Variants in CPO observed in about 807,000 individuals in gnomAD.
The protein encoded by CPO is carboxypeptidase O.
In CPO, 43 loss-of-function variants were observed where a neutral mutation model predicts 41.2. The observed-to-expected ratio is 1.04, with a 90% CI of 0.82 to 1.35. The LOEUF (loss-of-function observed/expected upper bound fraction) is 1.35. CPO is among the 40% of genes most tolerant of loss of function. CPO has a pLI of 0.00. For synonymous variants in CPO, 178 were observed against 162.7 expected (o/e 1.09, Z -0.72); for missense variants, 408 against 451.7 (o/e 0.90, Z 0.88).
At chr2:206,951,756 T>C (rs1693268623) in intron 2 of CPO, among the ~76,000 whole-genome samples, 2 of 152,224 alleles carry the variant, frequency 1.3e-5, no homozygotes, top group Non-Finnish European at 2.9e-5. Flanking sequence ...TCCTCATCTG[T>C]GAAACAGAAA....
intron 7 of CPO, among the ~76,000 whole-genome samples, chr2:206,967,331 C>CTATATATATATATATA (rs200615925): frequency 4.2e-5 from 5 of 118,506 alleles, no homozygotes; most frequent in African/African-American, 1.7e-4. Flanking sequence ...CTCTGAAATG[C>CTATATATATATATATA]TATATATATA....
chr2:206,950,329 C>T (rs1693229049), intron 2 of CPO, among the ~76,000 whole-genome samples: 2 of 152,158 alleles, frequency 1.3e-5, no homozygotes, highest in South Asian at 4.1e-4. Flanking sequence ...AGCCAACAGA[C>T]ATATGCAAAA....
chr2:206,959,277 T>C (rs1693433889), intron 4 of CPO, among the ~76,000 whole-genome samples: 1 of 152,148 alleles, frequency 6.6e-6, no homozygotes, highest in Non-Finnish European at 1.5e-5. Flanking sequence ...TCTCGGAGTG[T>C]TGTCCCCAGA....
At chr2:206,953,230 G>A (rs893348017) in intron 2 of CPO, among the ~76,000 whole-genome samples, 9 of 152,094 alleles carry the variant, frequency 5.9e-5, no homozygotes, top group Non-Finnish European at 1.3e-4. Flanking sequence ...TAACTCAAAA[G>A]TCCACAGTTG....
intron 6 of CPO, 103 bp from the exon 7 acceptor site, chr2:206,962,309 C>A (rs1693495229): frequency 2.0e-6 from 2 of 996,688 alleles, no homozygotes; most frequent in Non-Finnish European, 3.1e-6. Context: ...AGGGCAAGCG[C>A]TGATTCTACT....
Position 206,968,135 on chromosome 2 carries a change from G to A in CPO, c.778-128G>A, listed in dbSNP as rs1211082795. On this transcript the variant is annotated intron_variant, in intron 7 of 8. Coordinates refer to ENST00000272852, the MANE Select transcript of CPO (RefSeq NM_173077.3). ...GTTACCAGCAGGCTACCTAGATGTA[G>A]ATGTCCGATGGGAAGTTGGAAAGGT... 40 of 707,590 alleles carry A rather than the reference G, an allele frequency of 5.7e-5. No homozygotes were observed. The Admixed American group carries it at 8.1e-4, about 14-fold the overall frequency. The allele number at this position is 707,590 out of a possible 1,614,324, so 43.8% of individuals were successfully genotyped here. A position where few individuals can be genotyped will look rare whatever the true frequency, so the allele number is the denominator to read the frequency against.
At chr2:206,956,412 T>TCAGCAGCAGCAG (rs141567906) in intron 3 of CPO, among the ~76,000 whole-genome samples, 1 of 145,098 alleles carries the variant, frequency 6.9e-6, no homozygotes, top group East Asian at 1.9e-4. Context: ...ATCATCATCA[T>TCAGCAGCAGCAG]CATCAGCAGC....
intron 1 of CPO, among the ~76,000 whole-genome samples, chr2:206,944,434 CTTGT>C (rs1411625324): frequency 7.2e-5 from 11 of 151,846 alleles, no homozygotes; most frequent in African/African-American, 2.4e-4. Context: ...CTGAAGCACC[CTTGT>C]TTATTAAAAA....
chr2:206,949,071 TGCA>T (rs1265564887), intron 1 of CPO, among the ~76,000 whole-genome samples: 109 of 137,920 alleles, frequency 7.9e-4, no homozygotes, highest in African/African-American at 1.7e-3. Flanking sequence ...GATAAACCAT[TGCA>T]AAAAAAAAAA....
chr2:206,948,938 G>A (rs1409806860), intron 1 of CPO, among the ~76,000 whole-genome samples: 1 of 152,170 alleles, frequency 6.6e-6, no homozygotes, highest in African/African-American at 2.4e-5. Context: ...TGTGTGGGAT[G>A]TCTATAGCAG....
chr2:206,957,659 G>T (rs1693395538), intron 3 of CPO, among the ~76,000 whole-genome samples: 1 of 152,134 alleles, frequency 6.6e-6, no homozygotes, highest in Non-Finnish European at 1.5e-5. Context: ...CCACCAAAGA[G>T]AATCCACAAT....
intron 3 of CPO, 107 bp downstream of exon 3, chr2:206,955,671 A>C (rs946736916): frequency 2.7e-6 from 2 of 731,754 alleles, no homozygotes; most frequent in Non-Finnish European, 4.9e-6. Flanking sequence ...GCTATGCAGA[A>C]TCAGTTTGCT....
chr2:206,965,884 C>T (rs756807118), intron 7 of CPO, among the ~76,000 whole-genome samples: 1 of 152,068 alleles, frequency 6.6e-6, no homozygotes, highest in Non-Finnish European at 1.5e-5. Flanking sequence ...AATGTAGTGT[C>T]GAAGGAGAGA....
intron 1 of CPO, among the ~76,000 whole-genome samples, chr2:206,945,050 CTA>C (rs1044814446): frequency 5.9e-5 from 9 of 152,028 alleles, no homozygotes; most frequent in African/African-American, 2.2e-4. Context: ...TAGGAATTGA[CTA>C]TATGTCAGAA....
chr2:206,968,501 G>C (rs1485977499), intron 8 of CPO, among the ~76,000 whole-genome samples, 154 bp downstream of exon 8: 1 of 152,184 alleles, frequency 6.6e-6, no homozygotes, highest in Non-Finnish European at 1.5e-5. Flanking sequence ...AAGGGAGTCT[G>C]TACAAATCCG....
At chr2:206,948,600 C>CA (rs1174663683) in intron 1 of CPO, among the ~76,000 whole-genome samples, 1 of 152,022 alleles carries the variant, frequency 6.6e-6, no homozygotes, top group Non-Finnish European at 1.5e-5. Flanking sequence ...CTTGTCTCTA[C>CA]AAAAATTAAA....
chr2:206,941,798 A>T (rs1426980342), intron 1 of CPO, among the ~76,000 whole-genome samples: 1 of 152,162 alleles, frequency 6.6e-6, no homozygotes, highest in Non-Finnish European at 1.5e-5. Context: ...AATAAAGATT[A>T]CAAGCTTTGT....
At chr2:206,965,655 T>C (rs1693559094) in intron 7 of CPO, among the ~76,000 whole-genome samples, 1 of 152,140 alleles carries the variant, frequency 6.6e-6, no homozygotes, top group African/African-American at 2.4e-5. Context: ...CCACCCCTAC[T>C]AGGCCAGAGC....
rs1344079764 is a variant in CPO, at chr2:206,941,939, C to T, written c.68+2272C>T. ...AATCAAATGGCTTGAAAATGTTCATCTTCTTTGATCTACTAATTCTTCTTT... is the reference window on the plus strand; with the variant it reads ...AATCAAATGGCTTGAAAATGTTCATTTTCTTTGATCTACTAATTCTTCTTT... On this transcript the variant is annotated intron_variant, in intron 1 of 8. Coordinates refer to ENST00000272852, the MANE Select transcript of CPO (RefSeq NM_173077.3). Among the ~76,000 whole-genome samples, 6 of 152,138 alleles carry T rather than the reference C, an allele frequency of 3.9e-5. No homozygotes were observed. In the East Asian group the frequency reaches 1.2e-3, roughly 29 times the overall value.
Sources: gnomAD v4.1 joint callset for allele counts (sites outside exome capture counted in the v4.1 genomes callset) on GRCh38, gnomAD v4.1.1 for gene constraint, MANE v1.5 for transcripts, NCBI Gene and HGNC (gene_info 2026-07-23, HGNC 2026-07-21) for gene names.